Variants in RNF216 observed in about 807,000 individuals in gnomAD.
RNF216 encodes ring finger protein 216.
Under a neutral mutation model 110.8 loss-of-function variants are expected in RNF216, and 72 were observed. The ratio of observed to expected loss-of-function variants is 0.65; its 90% CI spans 0.54 to 0.79. The LOEUF is 0.79. Among genes scored for constraint, RNF216 ranks in the 30% least tolerant of loss-of-function variants. The pLI, the probability that RNF216 is intolerant of heterozygous loss-of-function variation, is 0.00. For synonymous variants in RNF216, 495 were observed against 407.5 expected (o/e 1.21, Z -2.59); for missense variants, 1,342 against 1,141.2 (o/e 1.18, Z -2.54).
At chr7:5,678,917 G>A (rs1009474487) in intron 13 of RNF216, among the ~76,000 whole-genome samples, 1 of 152,206 alleles carries the variant, frequency 6.6e-6, no homozygotes, top group Non-Finnish European at 1.5e-5. Flanking sequence ...AGCATGGCTG[G>A]TTTATCAGTT....
intron 5 of RNF216, among the ~76,000 whole-genome samples, chr7:5,736,971 T>C (rs543228661): frequency 8.2e-5 from 11 of 133,502 alleles, no homozygotes; most frequent in Non-Finnish European, 1.3e-4. Context: ...CGGCTGCCCC[T>C]TCTGGGAAGT....
chr7:5,717,533 G>C (rs1793140808), intron 9 of RNF216, among the ~76,000 whole-genome samples: 1 of 152,118 alleles, frequency 6.6e-6, no homozygotes, highest in Non-Finnish European at 1.5e-5. Flanking sequence ...AGATGCAACT[G>C]GGCAGAAACA....
intron 14 of RNF216, among the ~76,000 whole-genome samples, chr7:5,650,361 G>A (rs893126467): frequency 6.6e-6 from 1 of 152,198 alleles, no homozygotes; most frequent in African/African-American, 2.4e-5. Context: ...CGGAACCAGT[G>A]CCAGGAACCG....
chr7:5,708,186 C>A (rs555611174), intron 13 of RNF216, among the ~76,000 whole-genome samples: 3 of 152,164 alleles, frequency 2.0e-5, no homozygotes, highest in East Asian at 1.9e-4. Flanking sequence ...ATGTTCCATG[C>A]GCAACAGAGG....
intron 1 of RNF216, among the ~76,000 whole-genome samples, chr7:5,774,542 T>C (rs1796670936): frequency 1.3e-5 from 2 of 152,222 alleles, no homozygotes; most frequent in African/African-American, 2.4e-5. Flanking sequence ...AAGTGTGACA[T>C]TGTGCTATTT....
chr7:5,771,160 G>A (rs189624481), intron 1 of RNF216, among the ~76,000 whole-genome samples: 2 of 152,234 alleles, frequency 1.3e-5, no homozygotes, highest in East Asian at 3.9e-4. Context: ...CAGAGCAGTG[G>A]AAAACATGAC....
chr7:5,683,986 C>G (rs982188312), intron 13 of RNF216, among the ~76,000 whole-genome samples: 4 of 150,564 alleles, frequency 2.7e-5, no homozygotes, highest in African/African-American at 4.9e-5. Context: ...CAGTAGGGGT[C>G]TTGTGGCGGG....
At chr7:5,746,139 G>C (rs930916161) in intron 3 of RNF216, among the ~76,000 whole-genome samples, 1 of 152,174 alleles carries the variant, frequency 6.6e-6, no homozygotes. Context: ...TCATGGAGCT[G>C]CAAGTGTCGG....
intron 13 of RNF216, among the ~76,000 whole-genome samples, chr7:5,711,517 TAA>T (rs1481311990): frequency 1.3e-5 from 2 of 152,176 alleles, no homozygotes; most frequent in Non-Finnish European, 2.9e-5. Context: ...GTATCTGTCC[TAA>T]AGAAGATGAT....
rs1373168054 is a variant in RNF216, at chr7:5,696,023, G to A, written c.2061+15738C>T. ...GGGAAGGGAGGGTACCCCACTTGAA[G>A]GAGGGGCTGTGGCTCTCAGCACAAC... On this transcript the variant is annotated intron_variant, in intron 13 of 16. Transcript: ENST00000389902. The surrounding 1 kb of genome is among the most constrained non-coding windows in gnomAD (Gnocchi z 5.4). Among the ~76,000 whole-genome samples, 1 of 152,214 alleles carries A rather than the reference G, an allele frequency of 6.6e-6. No individual in the cohort carries two copies. The highest frequency in any genetic ancestry group is 1.9e-4 in the East Asian group (1 of 5,202).
chr7:5,664,573 G>A (rs1167669616), intron 13 of RNF216, among the ~76,000 whole-genome samples: 1 of 152,284 alleles, frequency 6.6e-6, no homozygotes, highest in Admixed American at 6.5e-5. Flanking sequence ...GAAAATGTGT[G>A]CCCAAGAGAA....
In RNF216 at chr7:5,752,876, C is replaced by T. The variant is rs758486915; in HGVS notation, c.171G>A (p.Glu57=). Residue 57 remains glutamate, a synonymous_variant, in exon 3 of 17, where the codon GAG becomes GAA. Coordinates refer to ENST00000389902, the MANE Select transcript of RNF216 (RefSeq NM_207111.4). ...TCAGGATGACATCATCATCCAGGTCCTCTTCTTCATGCTGCTGAGGAGCTG... is the reference window on the plus strand; with the variant it reads ...TCAGGATGACATCATCATCCAGGTCTTCTTCTTCATGCTGCTGAGGAGCTG... ...VTPAPQQHEE[E]DLDDDVILTE... The T allele has an allele frequency of 1.9e-6, 3 of 1,612,460 alleles. No individual in the cohort carries two copies. The highest frequency in any genetic ancestry group is 1.3e-5 in the African/African-American group (1 of 74,902).
chr7:5,651,346 C>A (rs1208232059), intron 14 of RNF216, among the ~76,000 whole-genome samples: 1 of 151,978 alleles, frequency 6.6e-6, no homozygotes, highest in East Asian at 1.9e-4. Context: ...CTTGCCTTAG[C>A]CTCCCAAGTA....
chr7:5,657,115 T>G (rs1181051563), intron 13 of RNF216, among the ~76,000 whole-genome samples: 1 of 152,274 alleles, frequency 6.6e-6, no homozygotes, highest in Non-Finnish European at 1.5e-5. Flanking sequence ...CAGAACAAAG[T>G]ACAAACTGCT....
At position 5,621,599 on chromosome 7, in the gene RNF216, C is replaced by G. The variant is rs1786367877; in HGVS notation, c.*1261G>C. ...GGCCACTCCGGAGACTGATGCAGCCCCACCCCAATGGTTGTCGGACTCAGC... is the reference window on the plus strand; with the variant it reads ...GGCCACTCCGGAGACTGATGCAGCCGCACCCCAATGGTTGTCGGACTCAGC... On this transcript the variant is annotated 3_prime_UTR_variant, in exon 17 of 17. Transcript: ENST00000389902. The G allele has an allele frequency of 6.6e-6, 1 of 152,286 alleles. No homozygotes were observed. Among genetic ancestry groups the G allele is most frequent in the African/African-American group, 2.4e-5 (1 of 41,460 alleles). The allele number at this position is 152,286 out of a possible 1,614,324, so 9.4% of individuals were successfully genotyped here. A position where few individuals can be genotyped will look rare whatever the true frequency, so the allele number is the denominator to read the frequency against.
At chr7:5,712,592 C>T in intron 12 of RNF216, 123 bp downstream of exon 12, 1 of 934,882 alleles carries the variant, frequency 1.1e-6, no homozygotes, top group Non-Finnish European at 1.6e-6. Flanking sequence ...AATCTTATTT[C>T]TCAGCAAGAA....
chr7:5,669,811 G>C (rs1789780826), intron 13 of RNF216, among the ~76,000 whole-genome samples: 1 of 152,118 alleles, frequency 6.6e-6, no homozygotes, highest in Non-Finnish European at 1.5e-5. Context: ...AGAATTGCTA[G>C]AATCTGGGAG....
chr7:5,742,601 T>C (rs1794822593), intron 3 of RNF216, among the ~76,000 whole-genome samples: 2 of 136,882 alleles, frequency 1.5e-5, no homozygotes, highest in African/African-American at 5.7e-5. Context: ...TTTTTTTTTT[T>C]TTTTTTTTTT....
chr7:5,652,145 A>C (rs1357888152), intron 14 of RNF216, among the ~76,000 whole-genome samples: 1 of 152,216 alleles, frequency 6.6e-6, no homozygotes, highest in Non-Finnish European at 1.5e-5. Flanking sequence ...TTACTTGCTT[A>C]TTTAGAAAAT....
Sources: allele counts gnomAD v4.1 joint callset (sites outside exome capture counted in the v4.1 genomes callset), GRCh38; gene constraint gnomAD v4.1.1; non-coding constraint Gnocchi (gnomAD v3.1); transcripts MANE v1.5; gene names NCBI Gene and HGNC (gene_info 2026-07-23, HGNC 2026-07-21).